SYNE1: variants seen among roughly 807,000 people sequenced by gnomAD.
SYNE1 encodes the protein spectrin repeat containing nuclear envelope protein 1.
In SYNE1, 616 loss-of-function variants were observed where a neutral mutation model predicts 1,111.0. That is an observed-to-expected ratio of 0.55 (90% confidence interval 0.52 to 0.59). The LOEUF is 0.59. Among genes scored for constraint, SYNE1 ranks in the 20% least tolerant of loss-of-function variants. The pLI is 0.00. For synonymous variants in SYNE1, 3,855 were observed against 3,825.8 expected, an observed-to-expected ratio of 1.01 and a Z score of -0.28; for missense variants, 10,006 against 10,417.0, an observed-to-expected ratio of 0.96 and a Z score of 1.72.
chr6:152,190,865 G>C (rs1480666109), intron 127 of SYNE1, among the ~76,000 whole-genome samples: 2 of 152,220 alleles, frequency 1.3e-5, no homozygotes, highest in East Asian at 3.8e-4. Context: ...GATCTTAGAG[G>C]AAAGGCTTTC....
At chr6:152,409,340 T>C in intron 43 of SYNE1, 114 bp from the exon 44 acceptor site, 3 of 1,136,544 alleles carry the variant, frequency 2.6e-6, no homozygotes, top group Non-Finnish European at 3.8e-6. Context: ...AAATTAGTGA[T>C]AGTGAGATTA....
chr6:152,220,589 C>T (rs1238108762), intron 119 of SYNE1, among the ~76,000 whole-genome samples: 1 of 152,180 alleles, frequency 6.6e-6, no homozygotes, highest in Admixed American at 6.5e-5. Context: ...CAATCTTTCA[C>T]ATTGACTAAA....
intron 130 of SYNE1, among the ~76,000 whole-genome samples, chr6:152,170,833 T>C (rs2065017420): frequency 6.6e-6 from 1 of 152,176 alleles, no homozygotes; most frequent in African/African-American, 2.4e-5. Context: ...CCAAATCTCA[T>C]CTTGACTTGT....
intron 73 of SYNE1, 82 bp from the exon 74 acceptor site, chr6:152,344,309 C>A (rs2096592942): frequency 1.3e-6 from 2 of 1,575,934 alleles, no homozygotes; most frequent in Non-Finnish European, 1.7e-6. Context: ...GAAACATGAC[C>A]AGTACATCTA....
chr6:152,472,164 T>C, intron 15 of SYNE1, 137 bp downstream of exon 15: 1 of 720,360 alleles, frequency 1.4e-6, no homozygotes, highest in Non-Finnish European at 2.4e-6. Context: ...TTAGCATGTC[T>C]TATGGGAGCC....
At chr6:152,525,604 C>T (rs538945845) in intron 5 of SYNE1, among the ~76,000 whole-genome samples, 25 of 152,264 alleles carry the variant, frequency 1.6e-4, no homozygotes, top group Non-Finnish European at 2.9e-4. Context: ...GTTCTTGCTA[C>T]AAATGATGGA....
intron 51 of SYNE1, among the ~76,000 whole-genome samples, chr6:152,395,076 C>T (rs2097711288): frequency 6.6e-6 from 1 of 151,106 alleles, no homozygotes; most frequent in Non-Finnish European, 1.5e-5. Flanking sequence ...AGCCACCGCA[C>T]CTGGCAAGCA....
chr6:152,551,375 G>T (rs1336246113), intron 3 of SYNE1, among the ~76,000 whole-genome samples: 1 of 152,144 alleles, frequency 6.6e-6, no homozygotes, highest in Non-Finnish European at 1.5e-5. Context: ...GTATTTAGTA[G>T]TCAGACTCTT....
intron 87 of SYNE1, among the ~76,000 whole-genome samples, chr6:152,314,351 T>G (rs2095643715): frequency 1.3e-5 from 2 of 152,356 alleles, no homozygotes; most frequent in South Asian, 4.1e-4. Flanking sequence ...TGCTAGGATT[T>G]CAGCATACAT....
At position 152,471,624 on chromosome 6, in the gene SYNE1, T is replaced by C; in HGVS notation, c.1605A>G (p.Ser535=). The C allele has an allele frequency of 6.2e-7, 1 of 1,613,992 alleles. No homozygotes were observed. Among genetic ancestry groups the C allele is most frequent in the South Asian group, 1.1e-5 (1 of 91,090 alleles). ...CGTAGTTTTGTAGAAGCTGCTCCACTGACTCTCTCCTCCCGTACTTAATGA... is the reference window on the plus strand; with the variant it reads ...CGTAGTTTTGTAGAAGCTGCTCCACCGACTCTCTCCTCCCGTACTTAATGA... ...SWIIKYGRRE[S]VEQLLQNYVS... The change falls in exon 16 of 146, where the codon TCA becomes TCG. Residue 535 remains serine, a synonymous_variant. Transcript: ENST00000367255.
chr6:152,485,329 G>A (rs974330280), intron 12 of SYNE1, among the ~76,000 whole-genome samples: 10 of 152,182 alleles, frequency 6.6e-5, no homozygotes, highest in African/African-American at 2.2e-4. Context: ...GTATATGTTT[G>A]TCAGGAAATC....
chr6:152,600,726 A>G (rs571017355), intron 3 of SYNE1, among the ~76,000 whole-genome samples: 9 of 152,296 alleles, frequency 5.9e-5, no homozygotes, highest in African/African-American at 2.2e-4. Flanking sequence ...GTTCAGAGAA[A>G]CGAAGAGATG....
At chr6:152,186,687 T>C (rs1212357437) in intron 128 of SYNE1, among the ~76,000 whole-genome samples, 1 of 151,070 alleles carries the variant, frequency 6.6e-6, no homozygotes, top group Non-Finnish European at 1.5e-5. Context: ...ATGGCATGTT[T>C]GAAGCAAACA....
Position 152,426,761 on chromosome 6 carries a change from G to A in SYNE1, c.5100+932C>T, listed in dbSNP as rs552030244. Among the ~76,000 whole-genome samples the A allele has an allele frequency of 7.9e-5, 12 of 152,342 alleles. No individual in the cohort carries two copies. The South Asian group carries it at 1.2e-3, about 16-fold the overall frequency. On this transcript the variant is annotated intron_variant, in intron 38 of 145. Coordinates refer to ENST00000367255, the MANE Select transcript of SYNE1 (RefSeq NM_182961.4). The stretch of plus-strand genomic sequence containing the variant: ...TCTGAGAAGGGACTTTGTGGAAGAT[G>A]AGTGCAGACACCAGTGTTTAATAAA...
intron 128 of SYNE1, among the ~76,000 whole-genome samples, chr6:152,188,599 G>A (rs961306131): frequency 1.3e-5 from 2 of 152,044 alleles, no homozygotes; most frequent in South Asian, 2.1e-4. Context: ...AGTTTTTCAC[G>A]TTTCAAGTAT....
Position 152,500,024 on chromosome 6 carries a change from G to GC in SYNE1, c.889-1233_889-1232insG, listed in dbSNP as rs1300013442. 2.6e-5 allele frequency among the ~76,000 whole-genome samples: 4 copies of GC among 152,044 alleles called. No individual in the cohort carries two copies. In the East Asian group the frequency reaches 7.7e-4, roughly 29 times the overall value. ...AGCATTAACTAAAGCATCTCCTTTT[G>GC]TTTTTTTAGATGCTTCCAGCCACTC... On this transcript the variant is annotated intron_variant, in intron 10 of 145. Transcript: ENST00000367255.
intron 131 of SYNE1, among the ~76,000 whole-genome samples, chr6:152,156,643 A>ATTG (rs1424540068): frequency 6.6e-6 from 1 of 152,170 alleles, no homozygotes; most frequent in African/African-American, 2.4e-5. Context: ...CTTATACTGT[A>ATTG]TTGTTTAGGG....
chr6:152,144,576 A>G (rs970907008), intron 137 of SYNE1: 1 of 152,304 alleles, frequency 6.6e-6, no homozygotes, highest in East Asian at 1.9e-4. Flanking sequence ...AGCAGAACAA[A>G]TATTAGTAAG....
At chr6:152,168,421 T>C (rs1176041096) in intron 130 of SYNE1, 1 of 534,700 alleles carries the variant, frequency 1.9e-6, no homozygotes, top group Admixed American at 3.3e-5. Flanking sequence ...CTTGATCTCC[T>C]GGAATGTAGG....
Sources: allele counts gnomAD v4.1 joint callset (sites outside exome capture counted in the v4.1 genomes callset), GRCh38; gene constraint gnomAD v4.1.1; transcripts MANE v1.5; gene names NCBI Gene and HGNC (gene_info 2026-07-23, HGNC 2026-07-21).